The following SLC38A1 variants were observed in gnomAD, a reference collection of about 807,000 sequenced individuals.
SLC38A1 encodes sodium-coupled neutral amino acid symporter 1.
Under a neutral mutation model 60.3 loss-of-function variants are expected in SLC38A1, and 18 were observed. The observed-to-expected ratio is 0.30, with a 90% CI of 0.21 to 0.44. The LOEUF is 0.44. SLC38A1 is among the 20% of genes least tolerant of loss of function. The probability of loss-of-function intolerance (pLI) is 1.00; values close to 1 mark genes in which losing one functional copy is unlikely to be tolerated. For missense variants in SLC38A1, 448 were observed against 587.2 expected (o/e 0.76, Z 2.45); for synonymous variants, 196 against 212.1 (o/e 0.92, Z 0.66).
intron 5 of SLC38A1, among the ~76,000 whole-genome samples, chr12:46,218,299 A>G (rs866940054): frequency 2.0e-5 from 3 of 151,538 alleles, no homozygotes; most frequent in Non-Finnish European, 4.4e-5. Flanking sequence ...TCAAACCTAG[A>G]TCCCTACTCT....
chr12:46,240,940 T>C (rs1325377696), intron 2 of SLC38A1, among the ~76,000 whole-genome samples: 1 of 152,146 alleles, frequency 6.6e-6, no homozygotes, highest in Non-Finnish European at 1.5e-5. Context: ...AAAAAGAATT[T>C]TGGGGGCACA....
At chr12:46,254,568 A>G (rs1467390782) in intron 1 of SLC38A1, among the ~76,000 whole-genome samples, 2 of 152,218 alleles carry the variant, frequency 1.3e-5, no homozygotes, top group Non-Finnish European at 2.9e-5. Context: ...TTGAACCCTC[A>G]AATACCTATG....
chr12:46,230,285 A>C (rs79132146), intron 3 of SLC38A1, among the ~76,000 whole-genome samples: 7,972 of 152,272 alleles, frequency 0.052, 301 homozygotes, highest in South Asian at 0.15. Flanking sequence ...GGTAGGTAAT[A>C]AGTGATGCAA....
chr12:46,234,426 A>G (rs893183649), intron 3 of SLC38A1, among the ~76,000 whole-genome samples: 2 of 148,836 alleles, frequency 1.3e-5, no homozygotes, highest in African/African-American at 5.0e-5. Flanking sequence ...TTTGCTTTGT[A>G]TTTCTTTTTT....
intron 1 of SLC38A1, chr12:46,267,521 G>A (rs1256770611): frequency 1.3e-5 from 2 of 152,406 alleles, no homozygotes; most frequent in Non-Finnish European, 2.9e-5. Context: ...CAAACCTCAG[G>A]CGGGCGATTT....
intron 7 of SLC38A1, 52 bp downstream of exon 7, chr12:46,207,477 C>T (rs73101168): frequency 0.02 from 29,377 of 1,497,264 alleles, 346 homozygotes; most frequent in Non-Finnish European, 0.025. Flanking sequence ...TGTGGCCGCT[C>T]ATCCACCAGA....
chr12:46,247,562 G>A (rs1941664140), intron 1 of SLC38A1, among the ~76,000 whole-genome samples: 1 of 152,188 alleles, frequency 6.6e-6, no homozygotes, highest in Admixed American at 6.5e-5. Flanking sequence ...CGTTTGACTG[G>A]TGTACGTGAA....
chr12:46,205,958 A>C (rs931221340), intron 9 of SLC38A1, 122 bp downstream of exon 9: 1 of 572,952 alleles, frequency 1.7e-6, no homozygotes, highest in East Asian at 2.9e-5. Context: ...CTTGCAATTT[A>C]TCATGTACTT....
chr12:46,236,294 A>T (rs575786189), intron 3 of SLC38A1, among the ~76,000 whole-genome samples: 2 of 152,212 alleles, frequency 1.3e-5, no homozygotes, highest in Non-Finnish European at 2.9e-5. Flanking sequence ...GATATAAATA[A>T]GTCCCACAAG....
At chr12:46,244,197 G>A (rs1410910449) in intron 1 of SLC38A1, among the ~76,000 whole-genome samples, 1 of 152,202 alleles carries the variant, frequency 6.6e-6, no homozygotes, top group South Asian at 2.1e-4. Flanking sequence ...TAGAACGGTG[G>A]AGAAATCAAT....
chr12:46,266,089 T>C (rs1942342221), intron 1 of SLC38A1, among the ~76,000 whole-genome samples: 1 of 152,108 alleles, frequency 6.6e-6, no homozygotes, highest in Non-Finnish European at 1.5e-5. Context: ...AGATGAGATA[T>C]AGAACGGAAG....
intron 1 of SLC38A1, among the ~76,000 whole-genome samples, chr12:46,245,612 T>C (rs1445394297): frequency 1.3e-5 from 2 of 152,148 alleles, no homozygotes; most frequent in Admixed American, 1.3e-4. Context: ...TAATCCCACT[T>C]CTGGATATAC....
In SLC38A1 at chr12:46,201,178, T is replaced by C. The variant is rs1939642094; in HGVS notation, c.923A>G (p.Gln308Arg). Residue 308 changes from glutamine to arginine, a missense_variant, in exon 13 of 17, where the codon CAG becomes CGG. Physicochemically the swap from Gln to Arg is conservative, Grantham distance 43. Coordinates refer to ENST00000398637, the MANE Select transcript of SLC38A1 (RefSeq NM_030674.4). ...GAAAAAGGAGATGTTTGAAACCATC[T>C]GCATTTTTTTCTGTGATCGGCTAAA... ...ELKDRSQKKM[Q>R]MVSNISFFAM... The C allele has an allele frequency of 1.2e-6, 2 of 1,612,894 alleles. No individual in the cohort carries two copies. The highest frequency in any genetic ancestry group is 2.2e-5 in the South Asian group (2 of 90,820).
At chr12:46,193,442 G>T (rs567388040) in intron 16 of SLC38A1, among the ~76,000 whole-genome samples, 94 of 152,230 alleles carry the variant, frequency 6.2e-4, no homozygotes, top group African/African-American at 2.2e-3. Flanking sequence ...AGATGTCTAT[G>T]AGGTCCGCTT....
intron 5 of SLC38A1, among the ~76,000 whole-genome samples, chr12:46,225,448 T>A (rs1940825720): frequency 6.6e-6 from 1 of 152,182 alleles, no homozygotes. Flanking sequence ...CATACTCTAA[T>A]GAAAATTGGG....
chr12:46,224,738 A>C (rs1441279817), intron 5 of SLC38A1, among the ~76,000 whole-genome samples: 1 of 152,192 alleles, frequency 6.6e-6, no homozygotes, highest in Admixed American at 6.5e-5. Context: ...GGAGAGTCCT[A>C]AGTTTAGTGA....
rs143845715 is a variant in SLC38A1 at position 46,193,916 on chromosome 12, G to A, written c.1362+3804C>T. The stretch of plus-strand genomic sequence containing the variant: ...TGCCTTTCTCTGTCTTTTAATTGGG[G>A]CATTTAGCCCATTTACATTTGAGGT... On this transcript the variant is annotated intron_variant, in intron 16 of 16. Coordinates refer to ENST00000398637, the MANE Select transcript of SLC38A1 (RefSeq NM_030674.4). Among the ~76,000 whole-genome samples the A allele has an allele frequency of 4.0e-3, 606 of 152,102 alleles. 4 individuals are homozygous for A. The highest frequency in any genetic ancestry group is 6.1e-3 in the Non-Finnish European group (413 of 67,986).
In SLC38A1 at chr12:46,267,939, C is replaced by T. The variant is rs183412026; in HGVS notation, c.-209+587G>A. On this transcript the variant is annotated intron_variant, in intron 1 of 16. Coordinates refer to ENST00000398637, the MANE Select transcript of SLC38A1 (RefSeq NM_030674.4). ...CATCCTTTAGTAATTTCTCCCCGCG[C>T]CCTCCTACTTCCCCGCGTTACAGAG... Among the ~76,000 whole-genome samples the T allele has an allele frequency of 7.1e-4, 108 of 152,320 alleles. 3 individuals carry two copies. The East Asian group carries it at 0.02, about 28-fold the overall frequency.
intron 1 of SLC38A1, among the ~76,000 whole-genome samples, chr12:46,262,706 G>T (rs897937933): frequency 6.6e-6 from 1 of 152,124 alleles, no homozygotes; most frequent in Non-Finnish European, 1.5e-5. Context: ...AGGAAAAACA[G>T]AAATAATAAG....
Sources: gnomAD v4.1 joint callset for allele counts (sites outside exome capture counted in the v4.1 genomes callset) on GRCh38, gnomAD v4.1.1 for gene constraint, MANE v1.5 for transcripts, NCBI Gene and HGNC (gene_info 2026-07-23, HGNC 2026-07-21) for gene names.